Variants in TTLL11 observed in about 807,000 individuals in gnomAD.
TTLL11 encodes tubulin polyglutamylase TTLL11.
Under a neutral mutation model 51.7 loss-of-function variants are expected in TTLL11, and 42 were observed. The ratio of observed to expected loss-of-function variants is 0.81; its 90% CI spans 0.64 to 1.05. TTLL11 has a LOEUF of 1.05. Ranked by LOEUF, TTLL11 falls within the 50% of genes least tolerant of loss-of-function variation. TTLL11 has a pLI of 0.00. For missense variants in TTLL11, 799 were observed against 940.4 expected (o/e 0.85, Z 1.97); for synonymous variants, 381 against 383.5 (o/e 0.99, Z 0.08).
At chr9:121,856,002 C>G (rs1037755853) in intron 8 of TTLL11, among the ~76,000 whole-genome samples, 1 of 152,158 alleles carries the variant, frequency 6.6e-6, no homozygotes, top group Non-Finnish European at 1.5e-5. Context: ...TGACTGAGAG[C>G]ACTGGGTATA....
chr9:121,874,191 T>C (rs772438473), intron 6 of TTLL11, among the ~76,000 whole-genome samples: 13 of 152,054 alleles, frequency 8.5e-5, no homozygotes, highest in Non-Finnish European at 1.9e-4. Context: ...TTTGTAGAGA[T>C]AAGGTCTCGC....
chr9:122,073,282 C>T (rs1230616310), intron 1 of TTLL11, among the ~76,000 whole-genome samples: 1 of 152,106 alleles, frequency 6.6e-6, no homozygotes, highest in African/African-American at 2.4e-5. Context: ...TGGTGGCATG[C>T]ACCTGTAATC....
At chr9:121,930,072 C>T (rs1840907009) in intron 6 of TTLL11, among the ~76,000 whole-genome samples, 2 of 152,234 alleles carry the variant, frequency 1.3e-5, no homozygotes, top group Non-Finnish European at 2.9e-5. Flanking sequence ...CCCAAAGACT[C>T]TCCCGAAATT....
chr9:121,901,029 C>T (rs1490521247), intron 6 of TTLL11, among the ~76,000 whole-genome samples: 1 of 152,134 alleles, frequency 6.6e-6, no homozygotes, highest in Non-Finnish European at 1.5e-5. Context: ...CCCACCTTAG[C>T]CTCCCAAAGT....
chr9:122,012,245 T>C (rs1843815507), intron 3 of TTLL11, among the ~76,000 whole-genome samples: 1 of 152,202 alleles, frequency 6.6e-6, no homozygotes, highest in African/African-American at 2.4e-5. Context: ...TAGACATCTC[T>C]AGTCAAGTGA....
intron 6 of TTLL11, among the ~76,000 whole-genome samples, chr9:121,948,007 G>C (rs571177832): frequency 3.3e-5 from 5 of 152,298 alleles, no homozygotes; most frequent in Non-Finnish European, 5.9e-5. Context: ...TGTCTACTCT[G>C]CAACTAGGCA....
Position 122,031,946 on chromosome 9 carries a change from C to T in TTLL11, c.560-90G>A, listed in dbSNP as rs113323273. On this transcript the variant is annotated intron_variant, in intron 2 of 8. Coordinates refer to ENST00000321582, the MANE Select transcript of TTLL11 (RefSeq NM_001139442.2). ...TTTGGGACTTTTAAAACCACCCACCCGACATATTCTCTTTTTCAGGCAGGA... is the reference window on the plus strand; with the variant it reads ...TTTGGGACTTTTAAAACCACCCACCTGACATATTCTCTTTTTCAGGCAGGA... 30 of 1,481,626 alleles carry T rather than the reference C, an allele frequency of 2.0e-5. No homozygotes were observed. In the East Asian group the frequency reaches 2.3e-4, roughly 12 times the overall value. The allele number at this position is 1,481,626 out of a possible 1,614,324, so 91.8% of individuals were successfully genotyped here. A position where few individuals can be genotyped will look rare whatever the true frequency, so the allele number is the denominator to read the frequency against.
chr9:121,965,727 G>A (rs1227761599), intron 6 of TTLL11, among the ~76,000 whole-genome samples: 1 of 152,190 alleles, frequency 6.6e-6, no homozygotes, highest in African/African-American at 2.4e-5. Context: ...AGCATGCTTA[G>A]TTTAGATAGT....
intron 6 of TTLL11, among the ~76,000 whole-genome samples, chr9:121,944,246 G>A (rs1022117630): frequency 1.3e-5 from 2 of 152,290 alleles, no homozygotes; most frequent in South Asian, 2.1e-4. Context: ...GGTGGCTCAC[G>A]CCTGTAATCT....
intron 6 of TTLL11, among the ~76,000 whole-genome samples, chr9:121,948,771 C>A (rs1841756462): frequency 6.6e-6 from 1 of 152,152 alleles, no homozygotes; most frequent in Non-Finnish European, 1.5e-5. Flanking sequence ...TGGGTTAGAC[C>A]ATTCCTGAAT....
chr9:122,054,985 A>G (rs1399537841), intron 1 of TTLL11, among the ~76,000 whole-genome samples: 1 of 152,138 alleles, frequency 6.6e-6, no homozygotes, highest in Non-Finnish European at 1.5e-5. Flanking sequence ...ACTTTCCCCA[A>G]TAAAAAGTCC....
rs1837739120 is a variant in TTLL11 at position 121,853,837 on chromosome 9, G to A, written c.1840+6500C>T. Among the ~76,000 whole-genome samples the A allele has an allele frequency of 6.6e-6, 1 of 152,218 alleles. No individual in the cohort carries two copies. Among genetic ancestry groups the A allele is most frequent in the Non-Finnish European group, 1.5e-5 (1 of 68,040 alleles). Reference sequence around the variant, plus strand: ...CGTCCTGACCCTCTCATCTGGCTGTGAGGCAGGCCCTTCTTCCCATCTCTG... The same window carrying A: ...CGTCCTGACCCTCTCATCTGGCTGTAAGGCAGGCCCTTCTTCCCATCTCTG... On this transcript the variant is annotated intron_variant, in intron 8 of 8. Coordinates refer to ENST00000321582, the MANE Select transcript of TTLL11 (RefSeq NM_001139442.2). This position sits in a 1 kb window ranked among gnomAD's most constrained non-coding sequence, Gnocchi z 5.6.
intron 8 of TTLL11, among the ~76,000 whole-genome samples, chr9:121,849,307 T>G (rs1309573537): frequency 6.6e-6 from 1 of 152,182 alleles, no homozygotes; most frequent in Non-Finnish European, 1.5e-5. Context: ...AATTTCTAGA[T>G]GATAATATGG....
intron 6 of TTLL11, among the ~76,000 whole-genome samples, chr9:121,883,568 T>C (rs1838880478): frequency 6.6e-6 from 1 of 152,208 alleles, no homozygotes; most frequent in African/African-American, 2.4e-5. Context: ...AAATTAGGCA[T>C]GCCTATTAGC....
intron 4 of TTLL11, among the ~76,000 whole-genome samples, chr9:121,978,449 CTTTATTTATTTATTTATTTATTTA>C (rs143223546): frequency 0.39 from 57,503 of 148,260 alleles, 11,663 homozygotes; most frequent in African/African-American, 0.5. Flanking sequence ...AAGGAAAAAG[CTTTATTTATTTATTTATTTATTTA>C]TTTATTTATT....
In TTLL11 at chr9:121,837,944, GCT is replaced by G. The variant is rs1386337277; in HGVS notation, c.1841-15067_1841-15066del. On this transcript the variant is annotated intron_variant, in intron 8 of 8. Transcript: ENST00000321582. ...GTTTCATCTCGCTCTCCTGCTTCTTGCTCTCTCTCTCTTGCTGGCTTCTGTCT... is the reference window on the plus strand; with the variant it reads ...GTTTCATCTCGCTCTCCTGCTTCTTGCTCTCTCTCTTGCTGGCTTCTGTCT... Among the ~76,000 whole-genome samples, 6 of 151,898 alleles carry G rather than the reference GCT, an allele frequency of 4.0e-5. No homozygotes were observed. In the South Asian group the frequency reaches 1.3e-3, roughly 32 times the overall value.
At chr9:122,060,610 G>A (rs531537308) in intron 1 of TTLL11, among the ~76,000 whole-genome samples, 2 of 152,168 alleles carry the variant, frequency 1.3e-5, no homozygotes, top group African/African-American at 4.8e-5. Flanking sequence ...AAGAACACAG[G>A]AATCAGATCT....
chr9:121,967,210 A>ATTTTT (rs150372226), intron 6 of TTLL11, among the ~76,000 whole-genome samples: 3 of 63,022 alleles, frequency 4.8e-5, no homozygotes, highest in East Asian at 6.7e-4. Context: ...TCAGCGGGAG[A>ATTTTT]TTTTTTTTTT....
intron 1 of TTLL11, among the ~76,000 whole-genome samples, chr9:122,074,203 G>A (rs1845802531): frequency 6.6e-6 from 1 of 151,742 alleles, no homozygotes; most frequent in African/African-American, 2.4e-5. Flanking sequence ...GAACCTGGGA[G>A]GCGGAGGTTG....
Sources: gnomAD v4.1 joint callset for allele counts (sites outside exome capture counted in the v4.1 genomes callset) on GRCh38, gnomAD v4.1.1 for gene constraint, Gnocchi (gnomAD v3.1) non-coding constraint, MANE v1.5 for transcripts, NCBI Gene and HGNC (gene_info 2026-07-23, HGNC 2026-07-21) for gene names.